The following AGT variants were observed in gnomAD, a reference collection of about 807,000 sequenced individuals.
AGT encodes the protein angiotensinogen.
In AGT, 26 loss-of-function variants were observed where a neutral mutation model predicts 28.1. The ratio of observed to expected loss-of-function variants is 0.92; its 90% CI spans 0.68 to 1.28. AGT has a LOEUF of 1.28. Ranked by LOEUF, AGT falls within the 50% of genes most tolerant of loss-of-function variation. The pLI is 0.00. For missense variants in AGT, 596 were observed against 592.3 expected (o/e 1.01, Z -0.06); for synonymous variants, 259 against 259.6 (o/e 1.00, Z 0.02).
chr1:230,711,833 AAAT>A (rs1405491540), intron 1 of AGT, among the ~76,000 whole-genome samples: 7 of 135,970 alleles, frequency 5.1e-5, no homozygotes, highest in South Asian at 2.4e-4. Context: ...AAAAAAAAAA[AAAT>A]AGAAAATTCT....
upstream of AGT, among the ~76,000 whole-genome samples, chr1:230,719,128 C>T (rs1297091285): frequency 1.3e-5 from 2 of 152,232 alleles, no homozygotes; most frequent in East Asian, 3.9e-4. Context: ...GTTTCCATAT[C>T]CTGGCTATTG....
At chr1:230,741,173 A>G (rs1271053854) in intron 1 of AGT, among the ~76,000 whole-genome samples, 13 of 152,222 alleles carry the variant, frequency 8.5e-5, no homozygotes, top group Admixed American at 8.5e-4. Context: ...ATGAATGTTT[A>G]AGGAGTGAAA....
chr1:230,728,632 G>T (rs961931857), intron 1 of AGT, among the ~76,000 whole-genome samples: 2 of 152,174 alleles, frequency 1.3e-5, no homozygotes, highest in Non-Finnish European at 2.9e-5. Context: ...CACTTACTGA[G>T]AACTTTTGAG....
intron 2 of AGT, among the ~76,000 whole-genome samples, chr1:230,708,291 C>T (rs1373553470): frequency 2.6e-5 from 4 of 152,160 alleles, no homozygotes; most frequent in African/African-American, 9.7e-5. Context: ...TGCTCTCTTT[C>T]GAAGGGAGAC....
Position 230,710,831 on chromosome 1 carries a change from T to A in AGT, c.-8A>T. The A allele has an allele frequency of 6.2e-7, 1 of 1,613,778 alleles. No homozygotes were observed. The highest frequency in any genetic ancestry group is 1.7e-5 in the Admixed American group (1 of 60,028). ...CACACCGGCAGGAGCCATCTCAGAC[T>A]GGGGTGCTCGCTTCCGCATACCCTG... On this transcript the variant is annotated 5_prime_UTR_variant, in exon 2 of 5. Coordinates refer to ENST00000366667, the MANE Select transcript of AGT (RefSeq NM_001384479.1).
At chr1:230,732,467 C>T (rs1482994986) in intron 1 of AGT, among the ~76,000 whole-genome samples, 1 of 151,978 alleles carries the variant, frequency 6.6e-6, no homozygotes, top group Non-Finnish European at 1.5e-5. Flanking sequence ...GATCCTTGAA[C>T]AGCACTGGGG....
At chr1:230,744,820 T>A (rs529641705) in intron 1 of AGT, among the ~76,000 whole-genome samples, 35 of 152,282 alleles carry the variant, frequency 2.3e-4, no homozygotes, top group African/African-American at 8.2e-4. Context: ...GAGCAAACCC[T>A]TTACAGTTCT....
At chr1:230,706,334 A>T in intron 2 of AGT, 134 bp from the exon 3 acceptor site, 1 of 985,876 alleles carries the variant, frequency 1.0e-6, no homozygotes, top group Non-Finnish European at 1.5e-6. Flanking sequence ...CCCCCAGGCC[A>T]CTCTGCATTC....
intron 3 of AGT, among the ~76,000 whole-genome samples, chr1:230,705,067 A>G (rs780056629): frequency 1.3e-5 from 2 of 152,140 alleles, no homozygotes. Context: ...CCTCGAGGAC[A>G]TCGTGGTGGT....
Position 230,703,281 on chromosome 1 carries a change from T to C in AGT, c.1291A>G (p.Thr431Ala). Residue 431 changes from threonine to alanine, a missense_variant, in exon 5 of 5, where the codon ACA becomes GCA. By Grantham distance (58) the Thr-to-Ala change is moderately conservative. Transcript: ENST00000366667. ...TTGTTAAGCTGTTGGGTAGACTCTG[T>C]GGGCTCTCTCTCATCCGCTTCAAGC... ...FELEADEREPTESTQQLNKPE... is the reference protein window; with the variant it reads ...FELEADEREPAESTQQLNKPE... 1.9e-6 allele frequency: 3 copies of C among 1,614,186 alleles called. No individual in the cohort carries two copies. The highest frequency in any genetic ancestry group is 2.5e-6 in the Non-Finnish European group (3 of 1,180,032).
intron 3 of AGT, 118 bp downstream of exon 3, chr1:230,705,815 G>C: frequency 7.3e-7 from 1 of 1,369,156 alleles, no homozygotes; most frequent in Non-Finnish European, 1.0e-6. Context: ...GTGCCACCGC[G>C]GCCCTGCCCT....
Position 230,710,578 on chromosome 1 carries a change from G to C in AGT, c.246C>G (p.Val82=), listed in dbSNP as rs11568052. Residue 82 remains valine, a synonymous_variant, in exon 2 of 5, where the codon GTC becomes GTG. Transcript: ENST00000366667. ...TGTCTTCGGTGTCAAGTTTTGCAGC[G>C]ACTAGCACCAGCTGGTCCTGTAGGG... ...EKALQDQLVL[V]AAKLDTEDKL... is the part of the protein sequence containing the mutation. The C allele has an allele frequency of 6.2e-7, 1 of 1,614,250 alleles. No homozygotes were observed. The highest frequency in any genetic ancestry group is 1.3e-5 in the African/African-American group (1 of 75,078).
intron 1 of AGT, among the ~76,000 whole-genome samples, chr1:230,745,089 G>T (rs1664324154): frequency 6.6e-6 from 1 of 152,218 alleles, no homozygotes; most frequent in South Asian, 2.1e-4. Flanking sequence ...GGACTGGCCA[G>T]AACTGCACTC....
chr1:230,732,491 C>T (rs552415952), intron 1 of AGT, among the ~76,000 whole-genome samples: 1 of 152,230 alleles, frequency 6.6e-6, no homozygotes, highest in South Asian at 2.1e-4. Context: ...GAGGCACTGA[C>T]TTCCTTCGCA....
intron 1 of AGT, among the ~76,000 whole-genome samples, chr1:230,742,144 A>T (rs1457334515): frequency 6.6e-6 from 1 of 152,152 alleles, no homozygotes. Flanking sequence ...GTCTCCCCAC[A>T]TTCCTCTACC....
At chr1:230,717,101 T>C (rs955696152), upstream of AGT, among the ~76,000 whole-genome samples, 7 of 147,136 alleles carry the variant, frequency 4.8e-5, no homozygotes, top group African/African-American at 1.5e-4. Flanking sequence ...CACATGTTTT[T>C]GTGAGCTCCA....
At chr1:230,718,722 C>CTTTT (rs1228887131), upstream of AGT, among the ~76,000 whole-genome samples, 10,740 of 118,236 alleles carry the variant, frequency 0.091, 799 homozygotes, top group East Asian at 0.29. Context: ...TTCCACACCG[C>CTTTT]TTTTTTTTTT....
Position 230,710,292 on chromosome 1 carries a change from C to G in AGT, c.532G>C (p.Val178Leu), listed in dbSNP as rs1159404329. The G allele has an allele frequency of 6.2e-7, 1 of 1,613,970 alleles. No individual in the cohort carries two copies. Among genetic ancestry groups the G allele is most frequent in the South Asian group, 1.1e-5 (1 of 91,090 alleles). ...CCCTGGGCCACTAGCAGGCCCTGTA[C>G]AGCCTGCAGGGCAGACAGGACCTTG... Reference protein sequence around the residue: ...AHKVLSALQAVQGLLVAQGRA... With the variant: ...AHKVLSALQALQGLLVAQGRA... The change falls in exon 2 of 5, where the codon GTA becomes CTA. Residue 178 changes from valine to leucine, a missense_variant. Val to Leu is a conservative substitution (Grantham distance 32). Coordinates refer to ENST00000366667, the MANE Select transcript of AGT (RefSeq NM_001384479.1).
intron 1 of AGT, among the ~76,000 whole-genome samples, chr1:230,724,362 C>T (rs1348688294): frequency 6.6e-6 from 1 of 152,174 alleles, no homozygotes; most frequent in Non-Finnish European, 1.5e-5. Flanking sequence ...ATTTACAACA[C>T]TTATTTAATG....
Sources: gnomAD v4.1 joint callset for allele counts (sites outside exome capture counted in the v4.1 genomes callset) on GRCh38, gnomAD v4.1.1 for gene constraint, MANE v1.5 for transcripts, NCBI Gene and HGNC (gene_info 2026-07-23, HGNC 2026-07-21) for gene names.